SCAF8: variants seen among roughly 807,000 people sequenced by gnomAD.
SCAF8 encodes SR-related CTD associated factor 8, also known as SR-related and CTD-associated factor 8.
A neutral mutation model predicts 140.5 loss-of-function variants in SCAF8; 23 were observed. That is an observed-to-expected ratio of 0.16 (90% confidence interval 0.12 to 0.23). The LOEUF is 0.23. Among genes scored for constraint, SCAF8 ranks in the 10% least tolerant of loss-of-function variants. SCAF8 has a pLI of 1.00. For synonymous variants in SCAF8, 575 were observed against 528.9 expected, an observed-to-expected ratio of 1.09 and a Z score of -1.20; for missense variants, 1,397 against 1,555.7, an observed-to-expected ratio of 0.90 and a Z score of 1.72.
intron 6 of SCAF8, among the ~76,000 whole-genome samples, chr6:154,801,569 C>T (rs1040037789): frequency 2.6e-5 from 4 of 151,366 alleles, no homozygotes; most frequent in Non-Finnish European, 4.4e-5. Context: ...TAATGACTCT[C>T]CAACTTTCAG....
In SCAF8 at chr6:154,832,389, C is replaced by A. The variant is rs1778771953; in HGVS notation, c.2810C>A (p.Pro937Gln). Residue 937 changes from proline to glutamine, a missense_variant, in exon 20 of 20, where the codon CCA (proline) becomes CAA (glutamine). Pro to Gln is a moderately conservative substitution (Grantham distance 76, BLOSUM62 -1). This residue lies in a region of SCAF8 where 930 missense variants were observed against 874.6 expected (regional missense o/e 1.06). Coordinates refer to ENST00000367178, the MANE Select transcript of SCAF8 (RefSeq NM_014892.5). ...RPGLIPQAPG[P>Q]RFPLIQPGIP... The stretch of plus-strand genomic sequence containing the variant: ...GGACTAATACCACAGGCACCTGGGC[C>A]AAGATTCCCTTTAATACAGCCTGGA... The A allele has an allele frequency of 6.2e-7, 1 of 1,614,054 alleles. No homozygotes were observed. The highest frequency in any genetic ancestry group is 2.2e-5 in the East Asian group (1 of 44,878).
Position 154,827,837 on chromosome 6 carries a change from G to C in SCAF8, c.2140+597G>C, listed in dbSNP as rs969987997. ...CCACACCTTTTTTGGGGCGGGGCGG[G>C]GGGGGGGGCGGTGTAAAACTTTATT... On this transcript the variant is annotated intron_variant, in intron 18 of 19. Coordinates refer to ENST00000367178, the MANE Select transcript of SCAF8 (RefSeq NM_014892.5). Among the ~76,000 whole-genome samples the C allele has an allele frequency of 5.1e-4, 75 of 148,390 alleles. 3 individuals carry two copies. The highest frequency in any genetic ancestry group is 3.5e-3 in the Middle Eastern group (1 of 282).
Position 154,792,924 on chromosome 6 carries a change from A to G in SCAF8, c.423A>G (p.Pro141=). Reference sequence around the variant, plus strand: ...ATATGGCAGCCGGGATTCCGCCTCCAGTTGTCACACCTGTTTTGGCCAGCA... The same window carrying G: ...ATATGGCAGCCGGGATTCCGCCTCCGGTTGTCACACCTGTTTTGGCCAGCA... The part of the protein sequence containing the change: ...LLDMAAGIPP[P]VVTPVLASTT... Residue 141 remains proline, a synonymous_variant, in exon 5 of 20, where the codon CCA becomes CCG. Coordinates refer to ENST00000367178, the MANE Select transcript of SCAF8 (RefSeq NM_014892.5). The G allele has an allele frequency of 6.2e-7, 1 of 1,613,978 alleles. No individual in the cohort carries two copies. The highest frequency in any genetic ancestry group is 1.3e-5 in the African/African-American group (1 of 75,044).
chr6:154,803,963 G>C (rs937496344), intron 8 of SCAF8, among the ~76,000 whole-genome samples: 1 of 152,120 alleles, frequency 6.6e-6, no homozygotes, highest in Non-Finnish European at 1.5e-5. Context: ...GTGCTTAGAG[G>C]CCACTTCTAG....
chr6:154,773,034 A>T (rs747681398), intron 1 of SCAF8, among the ~76,000 whole-genome samples: 5 of 152,224 alleles, frequency 3.3e-5, no homozygotes, highest in Non-Finnish European at 7.3e-5. Flanking sequence ...TGCTGGAATT[A>T]CAGGCATGAG....
chr6:154,792,738 C>T lies in SCAF8; in HGVS notation c.322-85C>T, dbSNP rs547734786. On this transcript the variant is annotated intron_variant, in intron 4 of 19. Transcript: ENST00000367178. ...AAGTATTTTAATTTCTCCTTTCCAT[C>T]CAGGGCCCAGATAGCCTCTATGAAA... 38 of 879,744 alleles carry T rather than the reference C, an allele frequency of 4.3e-5. 1 individual carries two copies. The South Asian group carries it at 5.4e-4, about 12-fold the overall frequency. The allele number at this position is 879,744 out of a possible 1,614,324, so 54.5% of individuals were successfully genotyped here.
At position 154,765,142 on chromosome 6, in the gene SCAF8, A is replaced by G. The variant is rs565563265; in HGVS notation, c.31-8847A>G. Among the ~76,000 whole-genome samples the G allele has an allele frequency of 2.6e-5, 4 of 152,314 alleles. No individual in the cohort carries two copies. The South Asian group carries it at 8.3e-4, about 32-fold the overall frequency. On this transcript the variant is annotated intron_variant, in intron 1 of 19. Transcript: ENST00000367178. ...AGCATCATCATCATATTCTTTTTCT[A>G]AAGTACTGGTTGTTAGTTATAGTGT...
intron 1 of SCAF8, among the ~76,000 whole-genome samples, chr6:154,758,508 G>A (rs544859815): frequency 3.9e-5 from 6 of 152,268 alleles, no homozygotes; most frequent in Admixed American, 1.3e-4. Flanking sequence ...TCATGCAGGC[G>A]TAATTCTAGT....
At chr6:154,806,433 A>G (rs1292563493) in intron 9 of SCAF8, among the ~76,000 whole-genome samples, 2 of 152,180 alleles carry the variant, frequency 1.3e-5, no homozygotes, top group Non-Finnish European at 2.9e-5. Context: ...ATCACAAAAT[A>G]TTTTTGAGTA....
chr6:154,745,833 A>G (rs1778684834), intron 1 of SCAF8, among the ~76,000 whole-genome samples: 1 of 151,876 alleles, frequency 6.6e-6, no homozygotes, highest in South Asian at 2.1e-4. Flanking sequence ...TTTCCCATTT[A>G]TATATATAGG....
At chr6:154,797,265 T>C (rs1198367940) in intron 6 of SCAF8, among the ~76,000 whole-genome samples, 1 of 151,464 alleles carries the variant, frequency 6.6e-6, no homozygotes, top group Admixed American at 6.6e-5. Context: ...TTTTATTTCT[T>C]TCTGTTACTA....
chr6:154,766,861 T>TA (rs1374899492), intron 1 of SCAF8, among the ~76,000 whole-genome samples: 1 of 152,074 alleles, frequency 6.6e-6, no homozygotes, highest in Non-Finnish European at 1.5e-5. Flanking sequence ...CTTCCAGACT[T>TA]ATATGATGTT....
chr6:154,822,843 A>T lies in SCAF8; in HGVS notation c.1926+434A>T, dbSNP rs372052594. Reference sequence around the variant, plus strand: ...CTCTGTGACACTCACTCTTCTAGGTATCAGTGAAAAACCCCCAGAAATCTC... The same window carrying T: ...CTCTGTGACACTCACTCTTCTAGGTTTCAGTGAAAAACCCCCAGAAATCTC... On this transcript the variant is annotated intron_variant, in intron 16 of 19. Transcript: ENST00000367178. 2.0e-5 allele frequency among the ~76,000 whole-genome samples: 3 copies of T among 152,210 alleles called. No homozygotes were observed. In the South Asian group the frequency reaches 6.2e-4, roughly 32 times the overall value.
At chr6:154,741,196 A>G (rs895960000) in intron 1 of SCAF8, among the ~76,000 whole-genome samples, 12 of 152,182 alleles carry the variant, frequency 7.9e-5, no homozygotes, top group African/African-American at 2.9e-4. Context: ...AGGATAATTG[A>G]AACTGATAAT....
At chr6:154,769,484 C>G (rs1776675475) in intron 1 of SCAF8, among the ~76,000 whole-genome samples, 1 of 152,198 alleles carries the variant, frequency 6.6e-6, no homozygotes, top group African/African-American at 2.4e-5. Flanking sequence ...GATGTACTTT[C>G]ACATGGCTGA....
Position 154,733,460 on chromosome 6 carries a change from C to T in SCAF8, c.-441C>T, listed in dbSNP as rs1235399304. On this transcript the variant is annotated 5_prime_UTR_variant, in exon 1 of 20. Coordinates refer to ENST00000367178, the MANE Select transcript of SCAF8 (RefSeq NM_014892.5). Reference sequence around the variant, plus strand: ...CTGCTGCCAGCGCTTCCTCCTCTGTCTTCGCCGAGCGGGGCTGGTTCCTGC... The same window carrying T: ...CTGCTGCCAGCGCTTCCTCCTCTGTTTTCGCCGAGCGGGGCTGGTTCCTGC... 9 of 1,374,550 alleles carry T rather than the reference C, an allele frequency of 6.5e-6. No individual in the cohort carries two copies. The highest frequency in any genetic ancestry group is 7.5e-6 in the Non-Finnish European group (8 of 1,066,190). 85.1% of individuals were successfully genotyped at this position (1,374,550 alleles called of 1,614,324 possible). A position where few individuals can be genotyped will look rare whatever the true frequency, so the allele number is the denominator to read the frequency against.
intron 4 of SCAF8, among the ~76,000 whole-genome samples, chr6:154,790,737 C>G (rs775339112): frequency 6.6e-6 from 1 of 151,930 alleles, no homozygotes; most frequent in Non-Finnish European, 1.5e-5. Context: ...GTCTCGATCT[C>G]CTGACCTTGT....
rs532697829 is a variant in SCAF8, at chr6:154,734,275, C to T, written c.30+345C>T. 8.9e-4 allele frequency among the ~76,000 whole-genome samples: 135 copies of T among 152,364 alleles called. 2 individuals are homozygous for T. The South Asian group carries it at 0.026, about 29-fold the overall frequency. On this transcript the variant is annotated intron_variant, in intron 1 of 19. Transcript: ENST00000367178. ...TTCCGCCGAGGCCTGGCCCGCCCAC[C>T]TCCTTCCTGGGCCTTTGAGGATTTA... is the stretch of plus-strand genomic sequence containing the variant.
At chr6:154,806,054 AC>A (rs1191212554) in intron 9 of SCAF8, among the ~76,000 whole-genome samples, 1 of 152,154 alleles carries the variant, frequency 6.6e-6, no homozygotes, top group Non-Finnish European at 1.5e-5. Context: ...GTGAGATTAA[AC>A]ATCTCATGCA....
Sources: allele counts gnomAD v4.1 joint callset (sites outside exome capture counted in the v4.1 genomes callset), GRCh38; gene constraint gnomAD v4.1.1; regional missense constraint gnomAD v4.1.1; transcripts MANE v1.5; gene names NCBI Gene and HGNC (gene_info 2026-07-23, HGNC 2026-07-21).